Variants in MGST2 observed in about 807,000 individuals in gnomAD.
MGST2 encodes the protein glutathione peroxidase MGST2.
MGST2 carries 9 observed loss-of-function variants against 16.6 expected under a neutral mutation model. That is an observed-to-expected ratio of 0.54 (90% CI 0.33 to 0.95). MGST2 has a LOEUF of 0.95. Among genes scored for constraint, MGST2 ranks in the 40% least tolerant of loss-of-function variants. MGST2 has a pLI of 0.03. For missense variants in MGST2, 159 were observed against 175.1 expected (o/e 0.91, Z 0.52); for synonymous variants, 79 against 68.0 (o/e 1.16, Z -0.79).
intron 3 of MGST2, among the ~76,000 whole-genome samples, chr4:139,695,785 T>C (rs73854332): frequency 1.3e-5 from 2 of 152,204 alleles, no homozygotes; most frequent in East Asian, 1.9e-4. Context: ...ACAAACTATA[T>C]GCTAGATACT....
chr4:139,735,989 T>G lies in MGST2; in HGVS notation c.*49-4223T>G, dbSNP rs1340983339. On this transcript the variant is annotated intron_variant, in intron 5 of 5. Transcript: ENST00000616265. The surrounding 1 kb of genome is among the most constrained non-coding windows in gnomAD (Gnocchi z 5.8). ...CCAGGCCCCGCCACATCGTGTGTGT[T>G]AGTGGCTGGGAAGGACACGAGGACA... Among the ~76,000 whole-genome samples, 1 of 152,098 alleles carries G rather than the reference T, an allele frequency of 6.6e-6. No homozygotes were observed. Among genetic ancestry groups the G allele is most frequent in the Non-Finnish European group, 1.5e-5 (1 of 67,992 alleles).
chr4:139,723,155 A>G (rs1375222014), intron 5 of MGST2, among the ~76,000 whole-genome samples: 2 of 152,260 alleles, frequency 1.3e-5, no homozygotes, highest in African/African-American at 4.8e-5. Context: ...CAAGAATTAC[A>G]TCAGGATCTG....
chr4:139,707,046 T>A (rs1022308145), downstream of MGST2, among the ~76,000 whole-genome samples: 2 of 152,134 alleles, frequency 1.3e-5, no homozygotes, highest in Admixed American at 6.5e-5. Context: ...TAAATTTTTT[T>A]ATTTTTATTT....
rs76139124 is a variant in MGST2 at position 139,672,610 on chromosome 4, G to C, written c.59-5933G>C. ...TTTTTTTTTGACTCGGAGTACAGTG[G>C]TGCGATCTCAGCTCACTGCAACCTC... On this transcript the variant is annotated intron_variant, in intron 1 of 4. Transcript: ENST00000265498. 6.8e-3 allele frequency among the ~76,000 whole-genome samples: 1,035 copies of C among 151,234 alleles called. 15 individuals are homozygous for C. The highest frequency in any genetic ancestry group is 0.024 in the African/African-American group (966 of 41,064).
At chr4:139,668,940 G>C (rs537030061) in intron 1 of MGST2, among the ~76,000 whole-genome samples, 40 of 152,278 alleles carry the variant, frequency 2.6e-4, no homozygotes, top group Admixed American at 2.5e-3. Flanking sequence ...CTTGTGGTCA[G>C]GTGGCTAGGC....
At chr4:139,693,404 CAAAAAAAA>C (rs55723907) in intron 2 of MGST2, among the ~76,000 whole-genome samples, 1 of 66,802 alleles carries the variant, frequency 1.5e-5, no homozygotes, top group African/African-American at 5.8e-5. Flanking sequence ...GACTACGTCT[CAAAAAAAA>C]AAAAAAAAAA....
chr4:139,667,912 C>G (rs1346118603), intron 1 of MGST2, among the ~76,000 whole-genome samples: 20 of 152,076 alleles, frequency 1.3e-4, no homozygotes, highest in Non-Finnish European at 2.9e-5. Context: ...AATTGAAAAG[C>G]TGTATTCTGA....
chr4:139,725,118 T>C (rs17050891), intron 5 of MGST2, among the ~76,000 whole-genome samples: 39,987 of 152,042 alleles, frequency 0.26, 5,485 homozygotes, highest in East Asian at 0.32. Context: ...TCCACATTTA[T>C]AAAGGAGTGC....
downstream of MGST2, among the ~76,000 whole-genome samples, chr4:139,743,739 T>C (rs1268819333): frequency 6.6e-6 from 1 of 152,230 alleles, no homozygotes; most frequent in Non-Finnish European, 1.5e-5. Flanking sequence ...TGAAGGTTAC[T>C]TTCTATAGAA....
downstream of MGST2, among the ~76,000 whole-genome samples, chr4:139,742,097 GA>G (rs1939190066): frequency 6.6e-6 from 1 of 151,606 alleles, no homozygotes; most frequent in Non-Finnish European, 1.5e-5. Context: ...AAGGAATCTG[GA>G]AACAATGAGA....
intron 1 of MGST2, among the ~76,000 whole-genome samples, chr4:139,670,683 T>C (rs957984268): frequency 1.3e-5 from 2 of 151,838 alleles, no homozygotes; most frequent in African/African-American, 4.8e-5. Context: ...GTGACCAAGG[T>C]GGGTAGATCA....
intron 5 of MGST2, among the ~76,000 whole-genome samples, chr4:139,716,510 G>A (rs1381877532): frequency 1.3e-5 from 2 of 152,184 alleles, no homozygotes; most frequent in Non-Finnish European, 2.9e-5. Flanking sequence ...ATGCAAAGTT[G>A]ACTTTCCTCC....
chr4:139,751,417 T>C, the MGST2 span, among the ~76,000 whole-genome samples: 5 of 152,226 alleles, frequency 3.3e-5, no homozygotes, highest in Non-Finnish European at 4.4e-5. Context: ...ATACACGTTA[T>C]ACACATAGTG....
downstream of MGST2, among the ~76,000 whole-genome samples, chr4:139,743,847 G>A (rs1729236617): frequency 6.6e-6 from 1 of 152,198 alleles, no homozygotes. Context: ...TAGTCACAGA[G>A]AATTTTGAAG....
At chr4:139,688,620 G>C (rs1726382302) in intron 2 of MGST2, among the ~76,000 whole-genome samples, 1 of 151,788 alleles carries the variant, frequency 6.6e-6, no homozygotes, top group South Asian at 2.1e-4. Context: ...AAAAACTATG[G>C]AGAAAAAGAA....
intron 1 of MGST2, among the ~76,000 whole-genome samples, chr4:139,673,926 A>G: frequency 6.6e-6 from 1 of 152,218 alleles, no homozygotes; most frequent in East Asian, 1.9e-4. Context: ...CATGGAGGTT[A>G]TACCTTGGTT....
downstream of MGST2, among the ~76,000 whole-genome samples, chr4:139,742,731 C>A (rs1373902249): frequency 6.6e-6 from 1 of 152,140 alleles, no homozygotes; most frequent in Admixed American, 6.5e-5. Flanking sequence ...TGAAATGAGA[C>A]CCTAGAATAA....
At chr4:139,719,752 T>C (rs771627802) in intron 5 of MGST2, 10 of 1,613,762 alleles carry the variant, frequency 6.2e-6, no homozygotes, top group Non-Finnish European at 8.5e-6. Flanking sequence ...GCTTGGTCAG[T>C]CTCGGCTGCC....
the MGST2 span, among the ~76,000 whole-genome samples, chr4:139,752,998 A>G: frequency 1.6e-4 from 24 of 152,314 alleles, no homozygotes; most frequent in South Asian, 5.0e-3. Context: ...AGGATACAAT[A>G]CAGACCTGAA....
Sources: gnomAD v4.1 joint callset for allele counts (sites outside exome capture counted in the v4.1 genomes callset) on GRCh38, gnomAD v4.1.1 for gene constraint, Gnocchi (gnomAD v3.1) non-coding constraint, MANE v1.5 for transcripts, NCBI Gene and HGNC (gene_info 2026-07-23, HGNC 2026-07-21) for gene names.